ATP8B2: variants seen among roughly 807,000 people sequenced by gnomAD.
ATP8B2 encodes the protein phospholipid-transporting ATPase ID.
A neutral mutation model predicts 133.4 loss-of-function variants in ATP8B2; 70 were observed. The ratio of observed to expected loss-of-function variants is 0.52; its 90% confidence interval spans 0.43 to 0.64. The LOEUF is 0.64. ATP8B2 is among the 30% of genes least tolerant of loss of function. The probability of loss-of-function intolerance (pLI) is 0.00; values close to 1 mark genes in which losing one functional copy is unlikely to be tolerated. For synonymous variants in ATP8B2, 517 were observed against 589.5 expected, an observed-to-expected ratio of 0.88 and a Z score of 1.78; for missense variants, 1,101 against 1,535.7, an observed-to-expected ratio of 0.72 and a Z score of 4.73.
chr1:154,328,897 G>C lies in ATP8B2; in HGVS notation c.31+725G>C, dbSNP rs1570844957. On this transcript the variant is annotated intron_variant, in intron 2 of 27. Transcript: ENST00000368489. This position sits in a 1 kb window ranked among gnomAD's most constrained non-coding sequence, Gnocchi z 4.6. ...TGGGGCTCCCCTCTGAGCGGCTGCG[G>C]CTCCTGCACCTCCCCGGGGAGCCGC... 1 of 1,272,372 alleles carries C rather than the reference G, an allele frequency of 7.9e-7. No homozygotes were observed. 78.8% of individuals were successfully genotyped at this position (1,272,372 alleles called of 1,614,324 possible).
Position 154,337,332 on chromosome 1 carries a change from T to G in ATP8B2, c.838-16T>G. On this transcript the variant is annotated splice_polypyrimidine_tract_variant and intron_variant, in intron 11 of 27. Transcript: ENST00000368489. ...CCTACATGTCAGCCTCGCCTGTGCT[T>G]CTCATTCCTCCCCAGATTTTTGGAT... The G allele has an allele frequency of 6.2e-7, 1 of 1,606,614 alleles. No homozygotes were observed. Among genetic ancestry groups the G allele is most frequent in the Non-Finnish European group, 8.5e-7 (1 of 1,175,276 alleles).
At chr1:154,330,654 C>T (rs1444465591) in intron 3 of ATP8B2, 161 bp from the exon 4 acceptor site, 1 of 749,852 alleles carries the variant, frequency 1.3e-6, no homozygotes, top group Non-Finnish European at 2.2e-6. Context: ...CATTGACCCC[C>T]TTGAGACTCC....
intron 26 of ATP8B2, among the ~76,000 whole-genome samples, chr1:154,347,813 G>A (rs1686635077): frequency 6.6e-6 from 1 of 151,966 alleles, no homozygotes; most frequent in African/African-American, 2.4e-5. Context: ...GGTGGCACAT[G>A]CCTGTAATCC....
rs1247911444 is a variant in ATP8B2, at chr1:154,334,708, G to C, written c.837+117G>C. The C allele has an allele frequency of 3.8e-6, 3 of 780,876 alleles. No homozygotes were observed. Among genetic ancestry groups the C allele is most frequent in the Admixed American group, 2.8e-5 (1 of 35,958 alleles). 48.4% of individuals were successfully genotyped at this position (780,876 alleles called of 1,614,324 possible). ...TTCAGGTTTGGCTTTAAAGCTGCTA[G>C]CAGGTCAGCTACACAAAGGCAGTGT... On this transcript the variant is annotated intron_variant, in intron 11 of 27. Coordinates refer to ENST00000368489, the MANE Select transcript of ATP8B2 (RefSeq NM_001370597.1). This position sits in a 1 kb window ranked among gnomAD's most constrained non-coding sequence, Gnocchi z 4.6.
At chr1:154,327,987 G>A in intron 1 of ATP8B2, 118 bp from the exon 2 acceptor site, 1 of 1,500,814 alleles carries the variant, frequency 6.7e-7, no homozygotes. Context: ...CTGGGAGAAG[G>A]AGGCTGGGGG....
chr1:154,330,321 A>G, intron 2 of ATP8B2, 75 bp from the exon 3 acceptor site: 2 of 1,361,748 alleles, frequency 1.5e-6, no homozygotes, highest in African/African-American at 1.5e-5. Context: ...GTGGAAAAAA[A>G]CAGGGAACCC....
chr1:154,344,010 G>A lies in ATP8B2; in HGVS notation c.1876G>A (p.Glu626Lys), dbSNP rs1395551025. 2 of 1,614,186 alleles carry A rather than the reference G, an allele frequency of 1.2e-6. No individual in the cohort carries two copies. Among genetic ancestry groups the A allele is most frequent in the Admixed American group, 3.3e-5 (2 of 60,022 alleles). The change falls in exon 18 of 28, where the codon GAG becomes AAG. Residue 626 changes from glutamate (E) to lysine (K), a missense_variant. Glu to Lys is a moderately conservative substitution (Grantham distance 56, BLOSUM62 1). Coordinates refer to ENST00000368489, the MANE Select transcript of ATP8B2 (RefSeq NM_001370597.1). The surrounding 1 kb of genome is among the most constrained non-coding windows in gnomAD (Gnocchi z 4.1). Reference protein sequence around the residue: ...LQASLAQDSREDRLASIYEEV... With the variant: ...LQASLAQDSRKDRLASIYEEV... ...GGCCAGCCTGGCCCAGGACAGCCGG[G>A]AGGACAGGCTGGCTAGCATCTATGA...
In ATP8B2 at chr1:154,345,983, C is replaced by G. The variant is rs990248478; in HGVS notation, c.2778+100C>G. Reference sequence around the variant, plus strand: ...TGACACTTGTGCCCATTTCCTGTGGCCACTGGGAAGGCAGTTCTTTCAGCC... The same window carrying G: ...TGACACTTGTGCCCATTTCCTGTGGGCACTGGGAAGGCAGTTCTTTCAGCC... On this transcript the variant is annotated intron_variant, in intron 24 of 27. Transcript: ENST00000368489. The surrounding 1 kb of genome is among the most constrained non-coding windows in gnomAD (Gnocchi z 5.6). 6 of 1,246,950 alleles carry G rather than the reference C, an allele frequency of 4.8e-6. No homozygotes were observed. In the African/African-American group the frequency reaches 8.9e-5, roughly 18 times the overall value. The allele number at this position is 1,246,950 out of a possible 1,614,324, so 77.2% of individuals were successfully genotyped here.
In ATP8B2 at chr1:154,343,719, C is replaced by G. The variant is rs2149173300; in HGVS notation, c.1758+151C>G. 1 of 1,014,518 alleles carries G rather than the reference C, an allele frequency of 9.9e-7. No homozygotes were observed. The highest frequency in any genetic ancestry group is 1.6e-5 in the African/African-American group (1 of 62,012). 62.8% of individuals were successfully genotyped at this position (1,014,518 alleles called of 1,614,324 possible). On this transcript the variant is annotated intron_variant, in intron 17 of 27. Transcript: ENST00000368489. The surrounding 1 kb of genome is among the most constrained non-coding windows in gnomAD (Gnocchi z 5.8). ...TGAAGTGATTACTACAGTCAGACAACTTAACACATCAGCCAGCTCCCATAG... is the reference window on the plus strand; with the variant it reads ...TGAAGTGATTACTACAGTCAGACAAGTTAACACATCAGCCAGCTCCCATAG...
In ATP8B2 at chr1:154,348,591, G is replaced by A. The variant is rs149854871; in HGVS notation, c.3294+53G>A. Reference sequence around the variant, plus strand: ...AGGCAGAGATGGGGTGGCTGGAAAGGCCTCATGTGAACACTGGGGGGCTCT... The same window carrying A: ...AGGCAGAGATGGGGTGGCTGGAAAGACCTCATGTGAACACTGGGGGGCTCT... On this transcript the variant is annotated intron_variant, in intron 27 of 27. Coordinates refer to ENST00000368489, the MANE Select transcript of ATP8B2 (RefSeq NM_001370597.1). The A allele has an allele frequency of 6.8e-5, 109 of 1,601,952 alleles. No individual in the cohort carries two copies. In the East Asian group the frequency reaches 2.4e-3, roughly 35 times the overall value.
At position 154,343,595 on chromosome 1, in the gene ATP8B2, C is replaced by G; in HGVS notation, c.1758+27C>G. 1.2e-6 allele frequency: 2 copies of G among 1,600,730 alleles called. No individual in the cohort carries two copies. The highest frequency in any genetic ancestry group is 1.3e-5 in the African/African-American group (1 of 74,680). ...TGGGTGTGAGGAGAGGAGGGGCCAG[C>G]CTGGGGGGTTCTACTCTTAGTGTGG... On this transcript the variant is annotated intron_variant, in intron 17 of 27. Transcript: ENST00000368489. This position sits in a 1 kb window ranked among gnomAD's most constrained non-coding sequence, Gnocchi z 5.8.
Position 154,344,286 on chromosome 1 carries a change from A to G in ATP8B2, c.2035+32A>G, listed in dbSNP as rs1417623470. The G allele has an allele frequency of 6.2e-7, 1 of 1,614,214 alleles. No homozygotes were observed. Among genetic ancestry groups the G allele is most frequent in the Non-Finnish European group, 8.5e-7 (1 of 1,180,024 alleles). ...GCCCAGCAGGGCAGAGCCAGTTGCA[A>G]CTGACAGTAGCCCTGTTGGACCCTT... On this transcript the variant is annotated intron_variant, in intron 19 of 27. Transcript: ENST00000368489. The surrounding 1 kb of genome is among the most constrained non-coding windows in gnomAD (Gnocchi z 4.1).
Position 154,345,566 on chromosome 1 carries a change from A to G in ATP8B2, c.2694+21A>G. The G allele has an allele frequency of 6.3e-7, 1 of 1,588,140 alleles. No individual in the cohort carries two copies. The highest frequency in any genetic ancestry group is 8.6e-7 in the Non-Finnish European group (1 of 1,160,340). On this transcript the variant is annotated intron_variant, in intron 23 of 27. Transcript: ENST00000368489. The surrounding 1 kb of genome is among the most constrained non-coding windows in gnomAD (Gnocchi z 5.6). ...CCCAGGTAATAAATGTTCCCAGTCC[A>G]CTGTTGTGCAAATCTGTAAACCTGA...
At chr1:154,327,998 A>G in intron 1 of ATP8B2, 107 bp from the exon 2 acceptor site, 1 of 1,497,116 alleles carries the variant, frequency 6.7e-7, no homozygotes, top group Non-Finnish European at 9.3e-7. Context: ...AGGCTGGGGG[A>G]GGGGCAGGGT....
At chr1:154,329,945 C>T (rs1382072557) in intron 2 of ATP8B2, among the ~76,000 whole-genome samples, 1 of 152,152 alleles carries the variant, frequency 6.6e-6, no homozygotes, top group African/African-American at 2.4e-5. Flanking sequence ...CTACCCCACT[C>T]TCTAAATAAG....
Position 154,327,804 on chromosome 1 carries a change from A to G in ATP8B2, c.-37-301A>G, listed in dbSNP as rs781662829. On this transcript the variant is annotated intron_variant, in intron 1 of 27. Coordinates refer to ENST00000368489, the MANE Select transcript of ATP8B2 (RefSeq NM_001370597.1). The stretch of plus-strand genomic sequence containing the variant: ...AGAGCCTCCATTGTCCCTGGGATGG[A>G]TACCTTGAGAGCTGTTCCCCTTTTT... The G allele has an allele frequency of 8.7e-6, 14 of 1,613,538 alleles. No individual in the cohort carries two copies. The South Asian group carries it at 1.4e-4, about 16-fold the overall frequency.
chr1:154,327,579 G>A (rs1685830000), intron 1 of ATP8B2, among the ~76,000 whole-genome samples: 1 of 152,192 alleles, frequency 6.6e-6, no homozygotes, highest in South Asian at 2.1e-4. Flanking sequence ...CTCCCCTGGA[G>A]GAGGTGATAA....
intron 9 of ATP8B2, among the ~76,000 whole-genome samples, chr1:154,333,643 CTTTTTT>C (rs60216416): frequency 5.6e-4 from 78 of 139,650 alleles, no homozygotes; most frequent in South Asian, 9.2e-4. Flanking sequence ...CATGCTGCAG[CTTTTTT>C]TTTTTTTTTT....
intron 13 of ATP8B2, chr1:154,341,310 C>A (rs1484954767): frequency 9.0e-6 from 5 of 558,318 alleles, no homozygotes; most frequent in Non-Finnish European, 1.3e-5. Flanking sequence ...CATAGTGAGA[C>A]CACATCCCTA....
Sources: allele counts gnomAD v4.1 joint callset (sites outside exome capture counted in the v4.1 genomes callset), GRCh38; gene constraint gnomAD v4.1.1; non-coding constraint Gnocchi (gnomAD v3.1); transcripts MANE v1.5; gene names NCBI Gene and HGNC (gene_info 2026-07-23, HGNC 2026-07-21).